GNA14: variants seen among roughly 807,000 people sequenced by gnomAD.
The protein encoded by GNA14 is G protein subunit alpha 14, also known as guanine nucleotide-binding protein subunit alpha-14.
A neutral mutation model predicts 42.0 loss-of-function variants in GNA14; 50 were observed. The ratio of observed to expected loss-of-function variants is 1.19; its 90% CI spans 0.95 to 1.51. The LOEUF is 1.51. GNA14 is among the 40% of genes most tolerant of loss of function. The probability of loss-of-function intolerance (pLI) is 0.00; values close to 1 mark genes in which losing one functional copy is unlikely to be tolerated. For synonymous variants in GNA14, 173 were observed against 163.1 expected, an observed-to-expected ratio of 1.06 and a Z score of -0.46; for missense variants, 473 against 446.2, an observed-to-expected ratio of 1.06 and a Z score of -0.54.
intron 1 of GNA14, among the ~76,000 whole-genome samples, chr9:77,592,428 GA>G (rs1488685145): frequency 6.6e-6 from 1 of 152,214 alleles, no homozygotes; most frequent in African/African-American, 2.4e-5. Context: ...AGATTTCACT[GA>G]AAAGTAGATT....
At chr9:77,429,797 T>G (rs1162449022) in intron 4 of GNA14, among the ~76,000 whole-genome samples, 1 of 152,192 alleles carries the variant, frequency 6.6e-6, no homozygotes. Flanking sequence ...AGTCTCTGCC[T>G]TTTCAGGAGA....
chr9:77,536,181 T>A (rs1269250472), intron 1 of GNA14, among the ~76,000 whole-genome samples: 8 of 152,066 alleles, frequency 5.3e-5, no homozygotes, highest in Admixed American at 6.6e-5. Context: ...GGAGACAGGG[T>A]TCATGGCTGC....
intron 2 of GNA14, among the ~76,000 whole-genome samples, chr9:77,511,888 C>T (rs1230886902): frequency 6.6e-6 from 1 of 152,180 alleles, no homozygotes; most frequent in Non-Finnish European, 1.5e-5. Flanking sequence ...TAATTTGGCA[C>T]AAAATGTTAC....
intron 2 of GNA14, among the ~76,000 whole-genome samples, chr9:77,492,352 A>C (rs1836789498): frequency 6.6e-6 from 1 of 151,664 alleles, no homozygotes; most frequent in East Asian, 1.9e-4. Flanking sequence ...TTTATTTATA[A>C]AAAATACAGG....
Position 77,431,469 on chromosome 9 carries a change from GAACTGACTCTCCTTTT to G in GNA14, c.465-36_465-21del. The G allele has an allele frequency of 6.3e-7, 1 of 1,585,260 alleles. No homozygotes were observed. Among genetic ancestry groups the G allele is most frequent in the African/African-American group, 1.3e-5 (1 of 74,614 alleles). On this transcript the variant is annotated intron_variant, in intron 3 of 6. Coordinates refer to ENST00000341700, the MANE Select transcript of GNA14 (RefSeq NM_004297.4). ...AGGTAACTGTATATTAGAGAACGAG[GAACTGACTCTCCTTTT>G]AGAGCAGGGGGAAATGTCCATCCTA...
chr9:77,507,056 A>ATT (rs1367110127), intron 2 of GNA14, among the ~76,000 whole-genome samples: 1 of 152,204 alleles, frequency 6.6e-6, no homozygotes, highest in Admixed American at 6.5e-5. Flanking sequence ...TTTTATCCAC[A>ATT]TTTCCCAGTT....
chr9:77,587,913 C>T (rs1259425259), intron 1 of GNA14, among the ~76,000 whole-genome samples: 2 of 152,180 alleles, frequency 1.3e-5, no homozygotes, highest in Non-Finnish European at 2.9e-5. Flanking sequence ...TCTGGAGGCT[C>T]TAAGGGAGGC....
intron 5 of GNA14, 99 bp downstream of exon 5, chr9:77,428,808 C>G: frequency 8.5e-7 from 1 of 1,178,770 alleles, no homozygotes; most frequent in African/African-American, 1.5e-5. Flanking sequence ...GACTGTTTGA[C>G]CTAATGACGA....
At chr9:77,499,764 C>T (rs950358296) in intron 2 of GNA14, among the ~76,000 whole-genome samples, 8 of 152,130 alleles carry the variant, frequency 5.3e-5, no homozygotes, top group African/African-American at 1.2e-4. Flanking sequence ...GCAGGAGAAT[C>T]GCTAGAACCT....
intron 3 of GNA14, among the ~76,000 whole-genome samples, chr9:77,432,430 G>T (rs537737376): frequency 1.3e-5 from 2 of 152,264 alleles, no homozygotes; most frequent in South Asian, 4.2e-4. Flanking sequence ...GTAATTATTT[G>T]ATTTACACCT....
chr9:77,546,638 C>G (rs958550434), intron 1 of GNA14, among the ~76,000 whole-genome samples: 1 of 152,202 alleles, frequency 6.6e-6, no homozygotes, highest in Non-Finnish European at 1.5e-5. Flanking sequence ...GAGCCCCAAA[C>G]TCTCCATGAC....
chr9:77,532,303 G>T (rs1469571770), intron 1 of GNA14, among the ~76,000 whole-genome samples: 2 of 152,130 alleles, frequency 1.3e-5, no homozygotes, highest in African/African-American at 4.8e-5. Context: ...CAAGTACATG[G>T]TCTCATCCAT....
At chr9:77,558,602 C>A in intron 1 of GNA14, among the ~76,000 whole-genome samples, 1 of 152,066 alleles carries the variant, frequency 6.6e-6, no homozygotes, top group East Asian at 1.9e-4. Flanking sequence ...ACAGCAAAAT[C>A]ACTTCTAGAA....
At chr9:77,447,224 G>A (rs552077219) in intron 2 of GNA14, among the ~76,000 whole-genome samples, 40 of 152,218 alleles carry the variant, frequency 2.6e-4, no homozygotes, top group Non-Finnish European at 4.1e-4. Flanking sequence ...GATTACAGGC[G>A]TGAGCCACCA....
At chr9:77,622,731 C>CAAAAAAAAAAAAAA (rs71503227) in intron 1 of GNA14, among the ~76,000 whole-genome samples, 3 of 122,804 alleles carry the variant, frequency 2.4e-5, no homozygotes, top group African/African-American at 9.4e-5. Flanking sequence ...ACTAAAAATA[C>CAAAAAAAAAAAAAA]AAAAAAAAGA....
chr9:77,509,210 T>C (rs1837121035), intron 2 of GNA14, among the ~76,000 whole-genome samples: 1 of 152,236 alleles, frequency 6.6e-6, no homozygotes, highest in Non-Finnish European at 1.5e-5. Context: ...AATATTTGCC[T>C]TTTTCTGTCT....
chr9:77,637,364 G>A (rs1226333931), intron 1 of GNA14, among the ~76,000 whole-genome samples: 4 of 151,918 alleles, frequency 2.6e-5, no homozygotes. Context: ...CACTGAAAAG[G>A]GAAAAAAACA....
intron 2 of GNA14, among the ~76,000 whole-genome samples, chr9:77,447,707 TG>T (rs1361872318): frequency 6.6e-6 from 1 of 152,108 alleles, no homozygotes; most frequent in African/African-American, 2.4e-5. Context: ...TGAAGGGCCC[TG>T]GAGTCCTTCA....
intron 2 of GNA14, among the ~76,000 whole-genome samples, chr9:77,477,994 C>A (rs1836462390): frequency 6.8e-6 from 1 of 147,740 alleles, no homozygotes; most frequent in African/African-American, 2.5e-5. Context: ...AAAGCAAGAA[C>A]ACAGAAAACA....
Sources: allele counts gnomAD v4.1 joint callset (sites outside exome capture counted in the v4.1 genomes callset), GRCh38; gene constraint gnomAD v4.1.1; transcripts MANE v1.5; gene names NCBI Gene and HGNC (gene_info 2026-07-23, HGNC 2026-07-21).